Variants in RBMS1 observed in about 807,000 individuals in gnomAD.
RBMS1 encodes RNA-binding motif, single-stranded-interacting protein 1.
In RBMS1, 17 loss-of-function variants were observed where a neutral mutation model predicts 62.3. The observed-to-expected ratio is 0.27, with a 90% CI of 0.19 to 0.41. RBMS1 has a LOEUF of 0.41. Among genes scored for constraint, RBMS1 ranks in the 10% least tolerant of loss-of-function variants. RBMS1 has a pLI of 1.00. For synonymous variants in RBMS1, 172 were observed against 170.0 expected (o/e 1.01, Z -0.09); for missense variants, 334 against 504.5 (o/e 0.66, Z 3.24).
At chr2:160,300,246 G>A (rs75867392) in intron 6 of RBMS1, among the ~76,000 whole-genome samples, 1 of 152,320 alleles carries the variant, frequency 6.6e-6, no homozygotes, top group East Asian at 1.9e-4. Context: ...TAAAACCATG[G>A]GAGAAAGTGG....
chr2:160,439,196 A>AC (rs896147464), intron 1 of RBMS1, among the ~76,000 whole-genome samples: 7 of 143,608 alleles, frequency 4.9e-5, no homozygotes, highest in South Asian at 2.3e-4. Context: ...CGGGGGGCTG[A>AC]CCCCCCCACC....
chr2:160,363,008 T>C (rs955984047), intron 2 of RBMS1, among the ~76,000 whole-genome samples: 1 of 152,224 alleles, frequency 6.6e-6, no homozygotes, highest in Non-Finnish European at 1.5e-5. Flanking sequence ...ATTTCAAGGA[T>C]GGAAGAAACA....
At chr2:160,487,091 C>CA (rs1161700893) in intron 1 of RBMS1, among the ~76,000 whole-genome samples, 1 of 151,786 alleles carries the variant, frequency 6.6e-6, no homozygotes, top group Non-Finnish European at 1.5e-5. Flanking sequence ...ACATAAAGTA[C>CA]AAAAAAATTA....
rs1292262344 is a variant in RBMS1, at chr2:160,313,167, G to A, written c.391C>T (p.Gln131Ter). The change falls in exon 4 of 14, where the codon CAA becomes TAA. Residue 131 changes from glutamine to a stop codon, truncating the protein, a stop_gained. Transcript: ENST00000348849. LOFTEE classifies it high-confidence loss of function. ...GGCTCTCAACTCACCTTTGCCATTT[G>A]AGCTTGAACCCCACTGGCCTTCAGG... ...SALKASGVQA[Q>*]MAKQQEQDPT... is the part of the protein sequence containing the mutation. 6.2e-7 allele frequency: 1 copy of A among 1,613,260 alleles called. No individual in the cohort carries two copies. Among genetic ancestry groups the A allele is most frequent in the Non-Finnish European group, 8.5e-7 (1 of 1,179,504 alleles).
At chr2:160,318,379 G>A in intron 2 of RBMS1, 152 bp from the exon 3 acceptor site, 2 of 1,211,656 alleles carry the variant, frequency 1.7e-6, no homozygotes, top group South Asian at 1.7e-5. Context: ...CTAAGAGACA[G>A]GAAATGAGAA....
intron 2 of RBMS1, among the ~76,000 whole-genome samples, chr2:160,341,455 T>C (rs925695397): frequency 1.3e-5 from 2 of 152,092 alleles, no homozygotes; most frequent in East Asian, 3.9e-4. Flanking sequence ...TGAAGCTGAT[T>C]ACTTGGTACC....
chr2:160,357,292 T>C (rs1364806798), intron 2 of RBMS1, among the ~76,000 whole-genome samples: 1 of 152,142 alleles, frequency 6.6e-6, no homozygotes, highest in Admixed American at 6.6e-5. Context: ...AAGGCTGATA[T>C]TAAAACGGGT....
chr2:160,381,439 C>G lies in RBMS1; in HGVS notation c.76-14048G>C, dbSNP rs191840173. Among the ~76,000 whole-genome samples the G allele has an allele frequency of 2.6e-5, 4 of 152,194 alleles. No individual in the cohort carries two copies. In the East Asian group the frequency reaches 7.7e-4, roughly 29 times the overall value. On this transcript the variant is annotated intron_variant, in intron 1 of 13. Transcript: ENST00000348849. Reference sequence around the variant, plus strand: ...TTTTTCCCCAGAGAACTAAGTGTTACGCATAATACTAATTGCTAACATTAT... The same window carrying G: ...TTTTTCCCCAGAGAACTAAGTGTTAGGCATAATACTAATTGCTAACATTAT...
intron 1 of RBMS1, among the ~76,000 whole-genome samples, chr2:160,380,347 T>TGG (rs1432065399): frequency 6.6e-6 from 1 of 151,418 alleles, no homozygotes; most frequent in Non-Finnish European, 1.5e-5. Flanking sequence ...AGCCCAAACA[T>TGG]GGAGAAACAC....
chr2:160,275,461 A>C, intron 13 of RBMS1, 169 bp downstream of exon 13: 1 of 1,240,672 alleles, frequency 8.1e-7, no homozygotes, highest in Non-Finnish European at 1.1e-6. Context: ...TTAATCTTAA[A>C]TTCATAAAAT....
intron 4 of RBMS1, among the ~76,000 whole-genome samples, chr2:160,304,991 A>C (rs1277857707): frequency 6.6e-6 from 1 of 152,062 alleles, no homozygotes; most frequent in Non-Finnish European, 1.5e-5. Context: ...AGTAGCTGGG[A>C]CTACAGGCAT....
chr2:160,313,134 C>T, intron 4 of RBMS1, 22 bp downstream of exon 4: 1 of 1,608,708 alleles, frequency 6.2e-7, no homozygotes, highest in Non-Finnish European at 8.5e-7. Flanking sequence ...AACAGAGAAG[C>T]AATTGCTGGC....
At chr2:160,311,224 C>CCATATATATA (rs71297446) in intron 4 of RBMS1, among the ~76,000 whole-genome samples, 1,859 of 56,306 alleles carry the variant, frequency 0.033, 118 homozygotes, top group Admixed American at 0.054. Flanking sequence ...ATCTATCTAT[C>CCATATATATA]TATCTATCTA....
At chr2:160,333,088 A>G (rs1379084449) in intron 2 of RBMS1, among the ~76,000 whole-genome samples, 2 of 152,020 alleles carry the variant, frequency 1.3e-5, no homozygotes, top group African/African-American at 4.8e-5. Flanking sequence ...GGTGGAGGTG[A>G]GTTCACTCTT....
At chr2:160,436,164 A>G (rs1301667416) in intron 1 of RBMS1, among the ~76,000 whole-genome samples, 1 of 152,202 alleles carries the variant, frequency 6.6e-6, no homozygotes, top group Non-Finnish European at 1.5e-5. Context: ...GAAAAAGTAG[A>G]ATCTACCTCG....
intron 1 of RBMS1, among the ~76,000 whole-genome samples, chr2:160,458,292 T>A (rs1419142258): frequency 6.6e-6 from 1 of 152,050 alleles, no homozygotes. Context: ...AAAAAACAGA[T>A]CCAGAAACTT....
At chr2:160,450,585 A>AC (rs1246494580) in intron 1 of RBMS1, among the ~76,000 whole-genome samples, 6 of 151,008 alleles carry the variant, frequency 4.0e-5, no homozygotes, top group Non-Finnish European at 8.9e-5. Context: ...AAAAACAAAA[A>AC]ACATTAACCC....
intron 1 of RBMS1, among the ~76,000 whole-genome samples, chr2:160,386,857 C>G (rs1386955051): frequency 1.3e-5 from 2 of 152,218 alleles, no homozygotes; most frequent in Non-Finnish European, 2.9e-5. Flanking sequence ...TCTTTTTATA[C>G]ACCTAGTCAT....
chr2:160,463,509 C>T (rs1684556633), intron 1 of RBMS1, among the ~76,000 whole-genome samples: 2 of 152,134 alleles, frequency 1.3e-5, no homozygotes, highest in South Asian at 2.1e-4. Flanking sequence ...TGCGGCCGGG[C>T]GCGGTGGCTC....
Sources: allele counts gnomAD v4.1 joint callset (sites outside exome capture counted in the v4.1 genomes callset), GRCh38; gene constraint gnomAD v4.1.1; transcripts MANE v1.5; gene names NCBI Gene and HGNC (gene_info 2026-07-23, HGNC 2026-07-21).